The following NR2F2 variants were observed in gnomAD, a reference collection of about 807,000 sequenced individuals.
NR2F2 encodes the protein nuclear receptor subfamily 2 group F member 2.
NR2F2 carries 2 observed loss-of-function variants against 34.8 expected under a neutral mutation model. The observed-to-expected ratio is 0.06, with a 90% CI of 0.02 to 0.18. The LOEUF is 0.18. Ranked by LOEUF, NR2F2 falls within the 10% of genes least tolerant of loss-of-function variation. The pLI is 1.00. For missense variants in NR2F2, 300 were observed against 580.1 expected (o/e 0.52, Z 4.96); for synonymous variants, 274 against 251.8 (o/e 1.09, Z -0.84).
At chr15:96,328,764 C>CTTT (rs58051222), upstream of NR2F2, among the ~76,000 whole-genome samples, 8 of 138,764 alleles carry the variant, frequency 5.8e-5, no homozygotes, top group East Asian at 1.3e-3. Flanking sequence ...GTTTGCTGGG[C>CTTT]TTTTTTTTTT....
Position 96,337,487 on chromosome 15 carries a change from C to T in NR2F2, c.1110C>T (p.Leu370=). 1.9e-6 allele frequency: 3 copies of T among 1,614,158 alleles called. No individual in the cohort carries two copies. In the East Asian group the frequency reaches 6.7e-5, roughly 36 times the overall value. ...AGCTTTTGCTTCGCCTCCCTTCCCT[C>T]CGCACCGTCTCCTCCTCAGTCATAG... The part of the protein sequence containing the change: ...FGKLLLRLPS[L]RTVSSSVIEQ... The change falls in exon 3 of 3, where the codon CTC becomes CTT. Residue 370 remains leucine, a synonymous_variant. Transcript: ENST00000394166.
rs1239335964 is a variant in NR2F2, at chr15:96,332,285, G to C, written c.180G>C (p.Gln60His). 3 of 1,562,024 alleles carry C rather than the reference G, an allele frequency of 1.9e-6. No individual in the cohort carries two copies. Among genetic ancestry groups the C allele is most frequent in the Non-Finnish European group, 2.6e-6 (3 of 1,154,496 alleles). Residue 60 changes from glutamine (Q) to histidine (H), a missense_variant, in exon 1 of 3, where the codon CAG (glutamine) becomes CAC (histidine). Physicochemically the swap from Gln to His is conservative, Grantham distance 24 (BLOSUM62 0). Transcript: ENST00000394166. ...CAGCCCAGACGGCGGCCGGTGGCCA[G>C]GGCGGCCCTGGCGGCCCGGGTAGCG... ...STPAQTAAGG[Q>H]GGPGGPGSDK...
chr15:96,334,726 A>G (rs1567138773), intron 2 of NR2F2, 123 bp downstream of exon 2: 3 of 1,088,416 alleles, frequency 2.8e-6, no homozygotes, highest in East Asian at 5.1e-5. Context: ...GTTGAGTGCA[A>G]CTTAAAGTGG....
chr15:96,332,943 A>G (rs201103460), intron 1 of NR2F2, among the ~76,000 whole-genome samples: 1 of 113,298 alleles, frequency 8.8e-6, no homozygotes, highest in South Asian at 2.3e-4. Context: ...CACCCTCTCA[A>G]AAAAAAAAAA....
At chr15:96,328,518 C>A (rs1899048480), upstream of NR2F2, among the ~76,000 whole-genome samples, 1 of 152,210 alleles carries the variant, frequency 6.6e-6, no homozygotes, top group African/African-American at 2.4e-5. Context: ...CTGAGCTTGT[C>A]CCGAATCTGC....
rs1160856307 is a variant in NR2F2, at chr15:96,340,062, C to CT, written c.*2443dup. 1.3e-5 allele frequency: 2 copies of CT among 152,102 alleles called. No homozygotes were observed. Among genetic ancestry groups the CT allele is most frequent in the African/African-American group, 4.8e-5 (2 of 41,396 alleles). 9.4% of individuals were successfully genotyped at this position (152,102 alleles called of 1,614,324 possible). ...GTTCTTACGGCACAGTATTGCTGAC[C>CT]TTTAGTTCGAGGTTTTGTCGGTTGT... On this transcript the variant is annotated 3_prime_UTR_variant, in exon 3 of 3. Transcript: ENST00000394166.
At chr15:96,332,627 G>A in intron 1 of NR2F2, 80 bp downstream of exon 1, 1 of 1,544,388 alleles carries the variant, frequency 6.5e-7, no homozygotes. Flanking sequence ...TCTGGGTAAG[G>A]ACAAGAAGCC....
rs1899427316 is a variant in NR2F2 at position 96,339,182 on chromosome 15, A to C, written c.*1560A>C. On this transcript the variant is annotated 3_prime_UTR_variant, in exon 3 of 3. Transcript: ENST00000394166. ...AAAAAGTATTAGAAATCTTGAGATC[A>C]GTATCTATTTTATGATCAGAAAAAA... 6.6e-6 allele frequency: 1 copy of C among 152,162 alleles called. No homozygotes were observed. The highest frequency in any genetic ancestry group is 6.5e-5 in the Admixed American group (1 of 15,276). 9.4% of individuals were successfully genotyped at this position (152,162 alleles called of 1,614,324 possible).
upstream of NR2F2, among the ~76,000 whole-genome samples, chr15:96,329,049 A>G (rs1899061057): frequency 6.6e-6 from 1 of 151,742 alleles, no homozygotes; most frequent in Non-Finnish European, 1.5e-5. Flanking sequence ...TTTTTTTTTC[A>G]GCTACCAAGG....
chr15:96,333,527 G>A, intron 1 of NR2F2: 1 of 1,007,368 alleles, frequency 9.9e-7, no homozygotes, highest in Non-Finnish European at 1.2e-6. Flanking sequence ...TGATTAGACA[G>A]ACGCCAGACC....
chr15:96,333,073 C>T (rs926805896), intron 1 of NR2F2: 1 of 157,206 alleles, frequency 6.4e-6, no homozygotes, highest in African/African-American at 2.4e-5. Context: ...CGTGGATTAA[C>T]ATCCTGCTAA....
chr15:96,336,164 T>A (rs1438350966), intron 2 of NR2F2, among the ~76,000 whole-genome samples: 1 of 151,654 alleles, frequency 6.6e-6, no homozygotes, highest in African/African-American at 2.4e-5. Context: ...GAAAAAAAAA[T>A]GCCTGATACT....
Position 96,334,422 on chromosome 15 carries a change from C to T in NR2F2, c.789C>T (p.Pro263=), listed in dbSNP as rs1174849712. The T allele has an allele frequency of 6.2e-6, 10 of 1,613,858 alleles. No homozygotes were observed. The East Asian group carries it at 1.1e-4, about 18-fold the overall frequency. ...TGAATGCGGCGCAGTGCTCCATGCC[C>T]CTCCACGTCGCCCCGCTCCTGGCCG... The part of the protein sequence containing the change: ...FVLNAAQCSM[P]LHVAPLLAAA... The change falls in exon 2 of 3, where the codon CCC becomes CCT. Residue 263 remains proline (P), a synonymous_variant. Transcript: ENST00000394166.
chr15:96,333,937 G>T (rs1899238874), intron 1 of NR2F2, 139 bp from the exon 2 acceptor site: 2 of 1,492,726 alleles, frequency 1.3e-6, no homozygotes, highest in Non-Finnish European at 1.8e-6. Flanking sequence ...GGCGACTCCA[G>T]CTCTGTGGCA....
chr15:96,339,928 T>C lies in NR2F2; in HGVS notation c.*2306T>C, dbSNP rs1329633311. 1 of 152,044 alleles carries C rather than the reference T, an allele frequency of 6.6e-6. No homozygotes were observed. Among genetic ancestry groups the C allele is most frequent in the African/African-American group, 2.4e-5 (1 of 41,384 alleles). The allele number at this position is 152,044 out of a possible 1,614,324, so 9.4% of individuals were successfully genotyped here. On this transcript the variant is annotated 3_prime_UTR_variant, in exon 3 of 3. Coordinates refer to ENST00000394166, the MANE Select transcript of NR2F2 (RefSeq NM_021005.4). ...TTTTGTAAAGTGTATTAAACGTTAA[T>C]ATTCAGATCCAGTCAATACATGCAG...
At chr15:96,337,312 T>C in intron 2 of NR2F2, 36 bp from the exon 3 acceptor site, 3 of 1,589,190 alleles carry the variant, frequency 1.9e-6, no homozygotes, top group Non-Finnish European at 2.6e-6. Context: ...CTTCTTTTTC[T>C]TCTTCTTCTT....
rs1899431126 is a variant in NR2F2, at chr15:96,339,295, A to C, written c.*1673A>C. On this transcript the variant is annotated 3_prime_UTR_variant, in exon 3 of 3. Transcript: ENST00000394166. ...TTGTAACTAGAGGACAGTTGTTTGC[A>C]GTGAGTTTTTCCTTAAGTAGGTACG... 6.6e-6 allele frequency: 1 copy of C among 152,196 alleles called. No homozygotes were observed. The highest frequency in any genetic ancestry group is 1.5e-5 in the Non-Finnish European group (1 of 68,040). 9.4% of individuals were successfully genotyped at this position (152,196 alleles called of 1,614,324 possible). A position where few individuals can be genotyped will look rare whatever the true frequency, so the allele number is the denominator to read the frequency against.
intron 1 of NR2F2, chr15:96,333,250 C>T (rs1262009455): frequency 3.1e-5 from 24 of 766,444 alleles, no homozygotes; most frequent in East Asian, 1.3e-4. Context: ...CCGTGCTTTG[C>T]CAATGGCGCG....
upstream of NR2F2, among the ~76,000 whole-genome samples, chr15:96,326,775 C>T (rs1263642126): frequency 2.0e-5 from 3 of 152,150 alleles, no homozygotes; most frequent in Admixed American, 6.5e-5. The surrounding 1 kb of genome is among the most constrained non-coding windows in gnomAD (Gnocchi z 5.5). Context: ...CTGCTAGGCT[C>T]GCACTAAGTA....
Sources: gnomAD v4.1 joint callset for allele counts (sites outside exome capture counted in the v4.1 genomes callset) on GRCh38, gnomAD v4.1.1 for gene constraint, Gnocchi (gnomAD v3.1) non-coding constraint, MANE v1.5 for transcripts, NCBI Gene and HGNC (gene_info 2026-07-23, HGNC 2026-07-21) for gene names.